CDH13: variants seen among roughly 807,000 people sequenced by gnomAD.
The protein encoded by CDH13 is cadherin-13.
In CDH13, 24 loss-of-function variants were observed where a neutral mutation model predicts 63.8. That is an observed-to-expected ratio of 0.38 (90% CI 0.27 to 0.53). CDH13 has a LOEUF of 0.53. Among genes scored for constraint, CDH13 ranks in the 20% least tolerant of loss-of-function variants. The pLI is 0.85. For missense variants in CDH13, 1,049 were observed against 903.1 expected, an observed-to-expected ratio of 1.16 and a Z score of -2.07; for synonymous variants, 503 against 355.3, an observed-to-expected ratio of 1.42 and a Z score of -4.67.
At chr16:83,355,015 C>T (rs557776843) in intron 6 of CDH13, among the ~76,000 whole-genome samples, 5 of 152,136 alleles carry the variant, frequency 3.3e-5, no homozygotes, top group East Asian at 1.9e-4. Context: ...AGTTTGCAGA[C>T]CCCTGGCTTA....
At chr16:83,764,455 C>T (rs539163961) in intron 11 of CDH13, among the ~76,000 whole-genome samples, 1 of 152,336 alleles carries the variant, frequency 6.6e-6, no homozygotes, top group South Asian at 2.1e-4. Context: ...CTGATTTTGA[C>T]ATTAAAATAC....
chr16:83,735,843 T>G (rs1318504730), intron 10 of CDH13: 2 of 152,200 alleles, frequency 1.3e-5, no homozygotes, highest in Non-Finnish European at 2.9e-5. Context: ...GGGAGTTCAT[T>G]CAGGATGTTG....
chr16:83,447,560 G>A (rs945054739), intron 6 of CDH13, among the ~76,000 whole-genome samples: 1 of 152,020 alleles, frequency 6.6e-6, no homozygotes, highest in Non-Finnish European at 1.5e-5. Context: ...GAGCTGGGCG[G>A]GGCAGATGAT....
intron 5 of CDH13, among the ~76,000 whole-genome samples, chr16:83,268,540 T>G (rs2088694392): frequency 1.3e-5 from 2 of 152,204 alleles, no homozygotes; most frequent in Admixed American, 1.3e-4. Flanking sequence ...TCATCCCGGG[T>G]CATGTTTAAG....
chr16:83,037,574 C>G (rs1238954958), intron 3 of CDH13, among the ~76,000 whole-genome samples: 1 of 152,114 alleles, frequency 6.6e-6, no homozygotes, highest in Non-Finnish European at 1.5e-5. Context: ...TGAATTGGAC[C>G]AGTCAGGAAA....
intron 6 of CDH13, among the ~76,000 whole-genome samples, chr16:83,358,165 G>A (rs2091093755): frequency 6.6e-6 from 1 of 152,148 alleles, no homozygotes; most frequent in African/African-American, 2.4e-5. Context: ...GTATTGCTCA[G>A]CCTCCCTGGC....
chr16:82,706,669 T>C (rs1597371459), intron 1 of CDH13, among the ~76,000 whole-genome samples: 1 of 148,702 alleles, frequency 6.7e-6, no homozygotes, highest in Non-Finnish European at 1.5e-5. Context: ...CCAGGTGTGG[T>C]GGTGGGTGCC....
intron 6 of CDH13, among the ~76,000 whole-genome samples, chr16:83,459,699 G>C (rs1456317670): frequency 6.6e-6 from 1 of 152,178 alleles, no homozygotes. Flanking sequence ...GGTAAAACCT[G>C]TATTAAGAGT....
chr16:82,740,063 C>T, intron 1 of CDH13, among the ~76,000 whole-genome samples: 1 of 152,116 alleles, frequency 6.6e-6, no homozygotes, highest in East Asian at 1.9e-4. Context: ...ATGTGGACGC[C>T]TATTACAACC....
chr16:82,806,203 G>T (rs1472992611), intron 1 of CDH13, among the ~76,000 whole-genome samples: 1 of 152,158 alleles, frequency 6.6e-6, no homozygotes, highest in African/African-American at 2.4e-5. Flanking sequence ...GCTTGGAGAT[G>T]CAGCTCAGAG....
At chr16:83,654,151 C>T (rs1912653371) in intron 8 of CDH13, among the ~76,000 whole-genome samples, 1 of 151,988 alleles carries the variant, frequency 6.6e-6, no homozygotes, top group African/African-American at 2.4e-5. Context: ...ATCATTCCAG[C>T]AGAGACTTGT....
At chr16:82,969,344 A>G (rs1908345346) in intron 2 of CDH13, among the ~76,000 whole-genome samples, 1 of 152,146 alleles carries the variant, frequency 6.6e-6, no homozygotes, top group Non-Finnish European at 1.5e-5. Flanking sequence ...ATTCATATAA[A>G]TAGACGTGGG....
intron 5 of CDH13, among the ~76,000 whole-genome samples, chr16:83,235,934 G>A (rs1273120085): frequency 2.0e-5 from 3 of 152,094 alleles, no homozygotes; most frequent in African/African-American, 4.8e-5. Flanking sequence ...TGGATATTGT[G>A]CTGTAAGTTT....
rs140847399 is a variant in CDH13, at chr16:83,384,418, C to G, written c.781+39412C>G. Among the ~76,000 whole-genome samples the G allele has an allele frequency of 3.8e-4, 58 of 152,178 alleles. No homozygotes were observed. The East Asian group carries it at 0.011, about 28-fold the overall frequency. On this transcript the variant is annotated intron_variant, in intron 6 of 13. Transcript: ENST00000567109. ...GAAAGAAGGAAATAGACTACCGAGG[C>G]GAATTTATGGACAGAACAATAGGGT...
intron 2 of CDH13, among the ~76,000 whole-genome samples, chr16:82,874,064 T>C (rs117611202): frequency 0.19 from 2,680 of 14,098 alleles, 34 homozygotes; most frequent in Middle Eastern, 0.27. Context: ...GCACACATTG[T>C]ATTACACGAT....
At chr16:83,580,425 A>C (rs1905455896) in intron 7 of CDH13, among the ~76,000 whole-genome samples, 1 of 146,214 alleles carries the variant, frequency 6.8e-6, no homozygotes, top group South Asian at 2.2e-4. Flanking sequence ...GTAACTCAGC[A>C]CCCAGTTTTC....
intron 7 of CDH13, among the ~76,000 whole-genome samples, chr16:83,505,978 G>A (rs1175266893): frequency 6.6e-6 from 1 of 152,194 alleles, no homozygotes; most frequent in Non-Finnish European, 1.5e-5. Context: ...GAAGCTGAGA[G>A]TCACAGGGAG....
intron 10 of CDH13, among the ~76,000 whole-genome samples, chr16:83,741,964 C>T (rs934743519): frequency 6.6e-6 from 1 of 152,238 alleles, no homozygotes; most frequent in Non-Finnish European, 1.5e-5. Context: ...CCATCCCCCA[C>T]CTGTTCATGG....
chr16:83,430,047 C>G (rs530040208), intron 6 of CDH13, among the ~76,000 whole-genome samples: 22 of 152,288 alleles, frequency 1.4e-4, no homozygotes, highest in African/African-American at 5.1e-4. Context: ...GGTACAGACA[C>G]TATGGGACAC....
Sources: gnomAD v4.1 joint callset for allele counts (sites outside exome capture counted in the v4.1 genomes callset) on GRCh38, gnomAD v4.1.1 for gene constraint, MANE v1.5 for transcripts, NCBI Gene and HGNC (gene_info 2026-07-23, HGNC 2026-07-21) for gene names.